Variants in BRWD1 observed in about 807,000 individuals in gnomAD.
The protein encoded by BRWD1 is bromodomain and WD repeat domain containing 1.
A neutral mutation model predicts 251.2 loss-of-function variants in BRWD1; 82 were observed. The observed-to-expected ratio is 0.33, with a 90% confidence interval of 0.27 to 0.39. BRWD1 has a LOEUF of 0.39. Ranked by LOEUF, BRWD1 falls within the 10% of genes least tolerant of loss-of-function variation. The pLI, the probability that BRWD1 is intolerant of heterozygous loss-of-function variation, is 1.00. For missense variants in BRWD1, 2,233 were observed against 2,711.6 expected (o/e 0.82, Z 3.92); for synonymous variants, 918 against 902.8 (o/e 1.02, Z -0.30).
chr21:39,309,268 G>C (rs955843025), intron 4 of BRWD1, among the ~76,000 whole-genome samples: 1 of 144,826 alleles, frequency 6.9e-6, no homozygotes, highest in African/African-American at 2.6e-5. Context: ...GGACAACATA[G>C]CGAGTCTTTT....
In BRWD1 at chr21:39,187,395, TTC is replaced by T. The variant is rs769283842; in HGVS notation, c.*8862_*8863del. The T allele has an allele frequency of 1.3e-6, 2 of 1,576,156 alleles. No individual in the cohort carries two copies. Among genetic ancestry groups the T allele is most frequent in the East Asian group, 2.3e-5 (1 of 44,308 alleles). ...TACATGTTCTCACTTTTGTATTGGGTTCTCTGTCTCTAGGAACAAATTCTGAA... is the reference window on the plus strand; with the variant it reads ...TACATGTTCTCACTTTTGTATTGGGTTCTGTCTCTAGGAACAAATTCTGAA... On this transcript the variant is annotated 3_prime_UTR_variant, in exon 41 of 41. Transcript: ENST00000342449.
At chr21:39,269,787 T>C (rs1464287235) in intron 15 of BRWD1, 112 bp downstream of exon 15, 2 of 932,788 alleles carry the variant, frequency 2.1e-6, no homozygotes, top group Non-Finnish European at 3.0e-6. Context: ...ATATGCTGAT[T>C]TGTAAAAACA....
chr21:39,243,261 A>C (rs1184008848), intron 21 of BRWD1, among the ~76,000 whole-genome samples: 1 of 152,194 alleles, frequency 6.6e-6, no homozygotes, highest in Non-Finnish European at 1.5e-5. Flanking sequence ...AAATCATCAA[A>C]AAATATCAAC....
chr21:39,266,311 T>C (rs115943688), intron 15 of BRWD1, among the ~76,000 whole-genome samples: 187 of 152,294 alleles, frequency 1.2e-3, no homozygotes, highest in African/African-American at 4.2e-3. Flanking sequence ...TGTATATATA[T>C]TATATATTTT....
chr21:39,298,270 A>G (rs1428736960), intron 5 of BRWD1, 162 bp downstream of exon 5: 3 of 1,290,060 alleles, frequency 2.3e-6, no homozygotes, highest in Non-Finnish European at 3.0e-6. Flanking sequence ...CACTTATGTA[A>G]TAAAATTCAA....
chr21:39,275,169 T>G (rs1212841023), intron 12 of BRWD1, among the ~76,000 whole-genome samples: 1 of 152,250 alleles, frequency 6.6e-6, no homozygotes, highest in Non-Finnish European at 1.5e-5. Context: ...AATTAATTCA[T>G]GTTGGACACT....
chr21:39,298,300 A>G, intron 5 of BRWD1, 132 bp downstream of exon 5: 2 of 1,341,104 alleles, frequency 1.5e-6, no homozygotes, highest in East Asian at 2.7e-5. Flanking sequence ...CTAAATGCAG[A>G]GAATTTTATA....
intron 17 of BRWD1, among the ~76,000 whole-genome samples, chr21:39,261,161 G>T (rs900370545): frequency 2.0e-5 from 3 of 151,516 alleles, no homozygotes; most frequent in African/African-American, 7.3e-5. Context: ...AGAGGCAAAG[G>T]TTGCAATAAG....
chr21:39,278,907 A>G, intron 9 of BRWD1, 94 bp from the exon 10 acceptor site: 1 of 1,006,208 alleles, frequency 9.9e-7, no homozygotes, highest in Non-Finnish European at 1.4e-6. Flanking sequence ...TTTAAATATT[A>G]TAATTTTTTA....
chr21:39,314,220 C>T (rs1189796721), upstream of BRWD1: 1 of 455,716 alleles, frequency 2.2e-6, no homozygotes. Context: ...CGGACCCGCG[C>T]TCCTGGGGCG....
At chr21:39,215,473 T>C in intron 31 of BRWD1, 111 bp from the exon 32 acceptor site, 1 of 935,900 alleles carries the variant, frequency 1.1e-6, no homozygotes, top group Non-Finnish European at 1.6e-6. Context: ...AAACCATAAG[T>C]GCAAAGTTAT....
intron 4 of BRWD1, among the ~76,000 whole-genome samples, chr21:39,310,614 AT>A (rs879377161): frequency 0.015 from 2,310 of 151,476 alleles, 58 homozygotes; most frequent in African/African-American, 0.053. Context: ...AAAAAAAAAA[AT>A]TATTATTATT....
chr21:39,213,801 AAT>A (rs1250430001), intron 32 of BRWD1, among the ~76,000 whole-genome samples: 1 of 152,062 alleles, frequency 6.6e-6, no homozygotes, highest in Non-Finnish European at 1.5e-5. Flanking sequence ...ATCCAAAAAT[AAT>A]ATATGTATGG....
intron 8 of BRWD1, among the ~76,000 whole-genome samples, chr21:39,286,031 T>TTTTTTTTTTA (rs2035625448): frequency 6.8e-6 from 1 of 147,184 alleles, no homozygotes; most frequent in Non-Finnish European, 1.5e-5. Flanking sequence ...TTTTTTTTTT[T>TTTTTTTTTTA]GAGTCAAGAG....
chr21:39,221,623 T>G (rs1389060409), intron 29 of BRWD1, among the ~76,000 whole-genome samples: 1 of 152,128 alleles, frequency 6.6e-6, no homozygotes, highest in East Asian at 1.9e-4. Flanking sequence ...GGATAACAGT[T>G]AAAAATGAGG....
In BRWD1 at chr21:39,197,478, T is replaced by C. The variant is rs535145074; in HGVS notation, c.5654-63A>G. On this transcript the variant is annotated intron_variant, in intron 40 of 40. Coordinates refer to ENST00000342449, the MANE Select transcript of BRWD1 (RefSeq NM_033656.4). ...AAGTCTAAAGGAATTATATGTTCAA[T>C]ATTAAAAACAAGTTCAGAATTCGTA... The C allele has an allele frequency of 4.3e-5, 57 of 1,332,970 alleles. 1 individual carries two copies. In the South Asian group the frequency reaches 6.8e-4, roughly 16 times the overall value. The allele number at this position is 1,332,970 out of a possible 1,614,324, so 82.6% of individuals were successfully genotyped here. A position where few individuals can be genotyped will look rare whatever the true frequency, so the allele number is the denominator to read the frequency against.
intron 13 of BRWD1, 148 bp downstream of exon 13, chr21:39,274,226 T>C (rs2035206793): frequency 1.6e-6 from 1 of 627,048 alleles, no homozygotes; most frequent in Non-Finnish European, 2.8e-6. Flanking sequence ...ACGCAGCTAT[T>C]CACTTATACC....
Position 39,293,889 on chromosome 21 carries a change from A to ATT in BRWD1, c.752_753insAA (p.Arg253LeufsTer6). On this transcript the variant is annotated frameshift_variant, in exon 8 of 41. Transcript: ENST00000342449. LOFTEE classifies it high-confidence loss of function. ...AAGTTCTCAAGCACCACACTCTAAT[A>ATT]ATTTTATCACAGCTCCCCGCAGCAA... The ATT allele has an allele frequency of 6.2e-7, 1 of 1,614,158 alleles. No individual in the cohort carries two copies. Among genetic ancestry groups the ATT allele is most frequent in the Non-Finnish European group, 8.5e-7 (1 of 1,180,020 alleles).
At chr21:39,233,312 G>A (rs1298163898) in intron 23 of BRWD1, among the ~76,000 whole-genome samples, 2 of 152,108 alleles carry the variant, frequency 1.3e-5, no homozygotes, top group East Asian at 3.9e-4. Context: ...CCCAGTTCCT[G>A]ATCAACCAAT....
Sources: allele counts gnomAD v4.1 joint callset (sites outside exome capture counted in the v4.1 genomes callset), GRCh38; gene constraint gnomAD v4.1.1; transcripts MANE v1.5; gene names NCBI Gene and HGNC (gene_info 2026-07-23, HGNC 2026-07-21).